PRKN: variants seen among roughly 807,000 people sequenced by gnomAD.
The protein encoded by PRKN is E3 ubiquitin-protein ligase parkin.
Under a neutral mutation model 59.5 loss-of-function variants are expected in PRKN, and 56 were observed. That is an observed-to-expected ratio of 0.94 (90% confidence interval 0.76 to 1.18). The LOEUF (loss-of-function observed/expected upper bound fraction) is 1.18. Among genes scored for constraint, PRKN ranks in the 50% most tolerant of loss-of-function variants. PRKN has a pLI of 0.00. For missense variants in PRKN, 657 were observed against 596.4 expected (o/e 1.10, Z -1.06); for synonymous variants, 250 against 222.1 (o/e 1.13, Z -1.12).
At chr6:162,125,808 G>A (rs951572288) in intron 4 of PRKN, among the ~76,000 whole-genome samples, 14 of 152,206 alleles carry the variant, frequency 9.2e-5, no homozygotes, top group Non-Finnish European at 2.1e-4. Context: ...TTTGTTGAAT[G>A]AAGGTGTAAA....
chr6:162,503,449 C>T (rs1322778473), intron 1 of PRKN, among the ~76,000 whole-genome samples: 1 of 152,112 alleles, frequency 6.6e-6, no homozygotes, highest in East Asian at 1.9e-4. Context: ...CAGGCATGAG[C>T]CACCGTGCCT....
chr6:162,233,830 G>A (rs1481827991), intron 3 of PRKN, among the ~76,000 whole-genome samples: 1 of 152,196 alleles, frequency 6.6e-6, no homozygotes, highest in Admixed American at 6.5e-5. Context: ...AAGGAGATAC[G>A]AATGGACATG....
intron 1 of PRKN, among the ~76,000 whole-genome samples, chr6:162,573,056 T>C (rs1417214474): frequency 6.6e-6 from 1 of 152,178 alleles, no homozygotes; most frequent in African/African-American, 2.4e-5. Context: ...TGCCCACATT[T>C]CTCAAAATCA....
chr6:162,165,687 C>G (rs555740873), intron 4 of PRKN, among the ~76,000 whole-genome samples: 1 of 149,244 alleles, frequency 6.7e-6, no homozygotes, highest in East Asian at 1.9e-4. Context: ...CTTTTGCTAT[C>G]AATGTTGTTA....
intron 2 of PRKN, among the ~76,000 whole-genome samples, chr6:162,416,458 T>A (rs1228893488): frequency 6.6e-6 from 1 of 152,220 alleles, no homozygotes; most frequent in African/African-American, 2.4e-5. Context: ...GGAAGCAAAG[T>A]CACTAGATTT....
intron 7 of PRKN, among the ~76,000 whole-genome samples, chr6:161,747,145 G>A (rs1047449152): frequency 3.3e-5 from 5 of 152,030 alleles, no homozygotes; most frequent in African/African-American, 1.2e-4. Context: ...ATTATGTGCT[G>A]GTCTTTGAAG....
intron 7 of PRKN, among the ~76,000 whole-genome samples, chr6:161,779,878 T>A (rs997888959): frequency 3.3e-5 from 5 of 152,208 alleles, no homozygotes; most frequent in South Asian, 4.1e-4. Context: ...GGCTGATTTA[T>A]GCATTGAATT....
At chr6:162,704,004 G>A (rs1374008503) in intron 1 of PRKN, among the ~76,000 whole-genome samples, 1 of 152,190 alleles carries the variant, frequency 6.6e-6, no homozygotes, top group Non-Finnish European at 1.5e-5. Flanking sequence ...GATTTGCTTT[G>A]TAATTAAGCG....
intron 1 of PRKN, among the ~76,000 whole-genome samples, chr6:162,561,675 T>A (rs1779852392): frequency 6.6e-6 from 1 of 152,104 alleles, no homozygotes; most frequent in Non-Finnish European, 1.5e-5. Flanking sequence ...ACACAGCAAT[T>A]GTGAGGCATT....
chr6:161,855,075 T>A (rs2128223262), intron 6 of PRKN, among the ~76,000 whole-genome samples: 1 of 140,868 alleles, frequency 7.1e-6, no homozygotes, highest in East Asian at 2.0e-4. Flanking sequence ...AGAGTGAGAC[T>A]TCATCTCAAA....
chr6:162,538,258 A>G (rs1778797836), intron 1 of PRKN, among the ~76,000 whole-genome samples: 1 of 152,124 alleles, frequency 6.6e-6, no homozygotes, highest in African/African-American at 2.4e-5. Flanking sequence ...ATTAGCTGAC[A>G]TGATGGCACA....
chr6:161,493,929 G>A (rs551257830), intron 9 of PRKN, among the ~76,000 whole-genome samples: 160 of 152,240 alleles, frequency 1.1e-3, no homozygotes, highest in African/African-American at 3.7e-3. Context: ...GGCTATCTCC[G>A]CACAGACAAG....
At chr6:162,192,121 TG>T (rs1398189171) in intron 4 of PRKN, among the ~76,000 whole-genome samples, 1 of 152,192 alleles carries the variant, frequency 6.6e-6, no homozygotes, top group African/African-American at 2.4e-5. Flanking sequence ...AACCCTTCTA[TG>T]TAGTATCAAG....
chr6:162,356,773 TAAGA>T (rs919723994), intron 2 of PRKN, among the ~76,000 whole-genome samples: 2 of 108,976 alleles, frequency 1.8e-5, no homozygotes, highest in African/African-American at 7.0e-5. Context: ...AAAAAAAAGA[TAAGA>T]TAGACAATAA....
At chr6:162,078,444 C>G (rs935365002) in intron 4 of PRKN, among the ~76,000 whole-genome samples, 19 of 152,044 alleles carry the variant, frequency 1.2e-4, no homozygotes, top group African/African-American at 4.6e-4. Context: ...ACAGAGCTTG[C>G]TTGTTATCCC....
intron 2 of PRKN, among the ~76,000 whole-genome samples, chr6:162,301,535 TTTGGTTTCTCCTGAGGCCTCCTGCG>T (rs1781951644): frequency 6.6e-6 from 1 of 152,060 alleles, no homozygotes. Flanking sequence ...TATCTGGACG[TTTGGTTTCTCCTGAGGCCTCCTGCG>T]TTGGTCTTCA....
chr6:162,450,902 A>G (rs1790594239), intron 1 of PRKN, among the ~76,000 whole-genome samples: 1 of 152,216 alleles, frequency 6.6e-6, no homozygotes, highest in Non-Finnish European at 1.5e-5. Flanking sequence ...TTCATTAATG[A>G]TAACAGATGT....
At chr6:162,533,686 A>G (rs1451855086) in intron 1 of PRKN, among the ~76,000 whole-genome samples, 2 of 151,918 alleles carry the variant, frequency 1.3e-5, no homozygotes, top group Non-Finnish European at 2.9e-5. Flanking sequence ...TATCTTATAA[A>G]AAGAGATATA....
At chr6:161,683,650 G>C (rs1785453011) in intron 7 of PRKN, among the ~76,000 whole-genome samples, 1 of 152,152 alleles carries the variant, frequency 6.6e-6, no homozygotes, top group Non-Finnish European at 1.5e-5. Context: ...GGTGGTGTGG[G>C]GCGAACTGGA....
Sources: gnomAD v4.1 joint callset for allele counts (sites outside exome capture counted in the v4.1 genomes callset) on GRCh38, gnomAD v4.1.1 for gene constraint, MANE v1.5 for transcripts, NCBI Gene and HGNC (gene_info 2026-07-23, HGNC 2026-07-21) for gene names.